CAST: variants seen among roughly 807,000 people sequenced by gnomAD.
CAST encodes the protein MIR583 host.
A neutral mutation model predicts 119.6 loss-of-function variants in CAST; 76 were observed. That is an observed-to-expected ratio of 0.64 (90% CI 0.53 to 0.77). The LOEUF (loss-of-function observed/expected upper bound fraction) is 0.77, where lower values mean the gene tolerates loss of function less well. CAST is among the 30% of genes least tolerant of loss of function. The pLI, the probability that CAST is intolerant of heterozygous loss-of-function variation, is 0.00. For synonymous variants in CAST, 319 were observed against 331.6 expected, an observed-to-expected ratio of 0.96 and a Z score of 0.41; for missense variants, 953 against 946.5, an observed-to-expected ratio of 1.01 and a Z score of -0.09.
chr5:96,079,954 C>CCCCA, the CAST span, among the ~76,000 whole-genome samples: 467 of 152,190 alleles, frequency 3.1e-3, 4 homozygotes, highest in Non-Finnish European at 5.4e-3. Flanking sequence ...GCCTGAAAAG[C>CCCCA]CTTATATATA....
rs143938202 is a variant in CAST, at chr5:96,675,774, A to T, written c.138+173A>T. ...TAAAAGGAAATCACTAAAAATAAAT[A>T]AAAAAAATTGTTCCTGGGAATAGAG... On this transcript the variant is annotated intron_variant, in intron 2 of 31. Transcript: ENST00000675179. 325 of 538,760 alleles carry T rather than the reference A, an allele frequency of 6.0e-4. 1 individual carries two copies. Among genetic ancestry groups the T allele is most frequent in the African/African-American group, 5.6e-3 (292 of 52,076 alleles). The allele number at this position is 538,760 out of a possible 1,614,324, so 33.4% of individuals were successfully genotyped here.
intron 2 of CAST, among the ~76,000 whole-genome samples, chr5:96,685,329 TA>T (rs1048003877): frequency 2.2e-4 from 33 of 152,150 alleles, no homozygotes; most frequent in African/African-American, 7.7e-4. Flanking sequence ...TGTTTAAAGT[TA>T]ACTTTTTTTA....
At chr5:96,191,715 G>A in the CAST span, among the ~76,000 whole-genome samples, 13 of 152,070 alleles carry the variant, frequency 8.5e-5, no homozygotes, top group Non-Finnish European at 1.8e-4. Context: ...GACTGCAGGC[G>A]CACGCCACCA....
At chr5:96,169,094 AAGG>A in the CAST span, among the ~76,000 whole-genome samples, 1 of 152,138 alleles carries the variant, frequency 6.6e-6, no homozygotes, top group Non-Finnish European at 1.5e-5. Flanking sequence ...CTAGGAAGGA[AAGG>A]AGTTGTTGTT....
chr5:96,404,616 C>T, the CAST span, among the ~76,000 whole-genome samples: 1 of 152,112 alleles, frequency 6.6e-6, no homozygotes, highest in Non-Finnish European at 1.5e-5. Context: ...CATTTATCAG[C>T]CTCAATCTTC....
chr5:96,450,782 C>T, the CAST span, among the ~76,000 whole-genome samples: 1 of 152,108 alleles, frequency 6.6e-6, no homozygotes, highest in African/African-American at 2.4e-5. Context: ...AAAAAATGCA[C>T]CCCTAACATT....
chr5:96,400,153 C>T, the CAST span: 6 of 1,614,108 alleles, frequency 3.7e-6, no homozygotes, highest in African/African-American at 1.3e-5. Context: ...TCCAGACAAC[C>T]AGGTGCTGCA....
intron 1 of CAST, among the ~76,000 whole-genome samples, chr5:96,636,916 G>A (rs1747893887): frequency 6.6e-6 from 1 of 151,380 alleles, no homozygotes; most frequent in Non-Finnish European, 1.5e-5. Context: ...AAGGGTTGGG[G>A]GTCAAGATGC....
At chr5:96,147,718 G>T in the CAST span, among the ~76,000 whole-genome samples, 1 of 152,168 alleles carries the variant, frequency 6.6e-6, no homozygotes, top group Non-Finnish European at 1.5e-5. Context: ...ACTGATTAAA[G>T]AAGCCACCAC....
intron 1 of CAST, among the ~76,000 whole-genome samples, chr5:96,614,418 C>T (rs1419489932): frequency 6.6e-6 from 1 of 152,168 alleles, no homozygotes; most frequent in Non-Finnish European, 1.5e-5. Flanking sequence ...TGCCCACGAG[C>T]TTCTCCCAAA....
chr5:96,375,760 C>T, the CAST span, among the ~76,000 whole-genome samples: 5 of 151,664 alleles, frequency 3.3e-5, no homozygotes, highest in South Asian at 2.1e-4. Context: ...AGGTTCCCAC[C>T]GAATAAGAAA....
intron 1 of CAST, among the ~76,000 whole-genome samples, chr5:96,652,652 G>GA (rs1748108424): frequency 6.6e-6 from 1 of 152,194 alleles, no homozygotes; most frequent in Non-Finnish European, 1.5e-5. Flanking sequence ...CAGGGAGTAA[G>GA]ATATGTGCCA....
chr5:96,185,135 G>A, the CAST span, among the ~76,000 whole-genome samples: 4,900 of 152,082 alleles, frequency 0.032, 269 homozygotes, highest in African/African-American at 0.11. Flanking sequence ...TATTGGCCAC[G>A]TGTATGTCTT....
chr5:96,130,177 A>G, the CAST span, among the ~76,000 whole-genome samples: 1 of 152,042 alleles, frequency 6.6e-6, no homozygotes, highest in Non-Finnish European at 1.5e-5. Flanking sequence ...ATCATCACCA[A>G]CAATGCTAAG....
At chr5:96,140,225 G>A in the CAST span, among the ~76,000 whole-genome samples, 1 of 152,162 alleles carries the variant, frequency 6.6e-6, no homozygotes, top group African/African-American at 2.4e-5. Flanking sequence ...GAAGAAGTGT[G>A]GTTGTTGAAA....
the CAST span, among the ~76,000 whole-genome samples, chr5:96,167,758 C>T: frequency 2.6e-5 from 4 of 152,142 alleles, no homozygotes; most frequent in Non-Finnish European, 5.9e-5. Flanking sequence ...TGGGAAAGGC[C>T]TCTACCCATC....
At chr5:96,716,276 GTTTTATT>G (rs111790509) in intron 3 of CAST, among the ~76,000 whole-genome samples, 3 of 152,226 alleles carry the variant, frequency 2.0e-5, no homozygotes, top group African/African-American at 7.2e-5. Context: ...GCGTATATGT[GTTTTATT>G]TTTAAGTTGT....
intron 24 of CAST, 30 bp from the exon 25 acceptor site, chr5:96,762,242 CAT>C (rs748339517): frequency 1.2e-5 from 17 of 1,416,332 alleles, no homozygotes; most frequent in Admixed American, 5.5e-5. Context: ...TTATATACAA[CAT>C]GTTACTAATA....
upstream of CAST, among the ~76,000 whole-genome samples, chr5:96,523,530 C>T (rs1745550853): frequency 6.6e-6 from 1 of 152,222 alleles, no homozygotes; most frequent in Non-Finnish European, 1.5e-5. Context: ...AGGATGCCTT[C>T]CATGCCGGGA....
Sources: allele counts gnomAD v4.1 joint callset (sites outside exome capture counted in the v4.1 genomes callset), GRCh38; gene constraint gnomAD v4.1.1; transcripts MANE v1.5; gene names NCBI Gene and HGNC (gene_info 2026-07-23, HGNC 2026-07-21).